Variants in PTPRM observed in about 807,000 individuals in gnomAD.
The protein encoded by PTPRM is protein tyrosine phosphatase receptor type M, also known as receptor-type tyrosine-protein phosphatase mu.
PTPRM carries 47 observed loss-of-function variants against 186.7 expected under a neutral mutation model. That is an observed-to-expected ratio of 0.25 (90% CI 0.20 to 0.32). PTPRM has a LOEUF of 0.32. Ranked by LOEUF, PTPRM falls within the 10% of genes least tolerant of loss-of-function variation. The probability of loss-of-function intolerance (pLI) is 1.00; values close to 1 mark genes in which losing one functional copy is unlikely to be tolerated. For missense variants in PTPRM, 1,494 were observed against 1,865.0 expected, an observed-to-expected ratio of 0.80 and a Z score of 3.66; for synonymous variants, 668 against 674.9, an observed-to-expected ratio of 0.99 and a Z score of 0.16.
chr18:7,914,075 T>C (rs1442861613), intron 4 of PTPRM, among the ~76,000 whole-genome samples: 3 of 152,156 alleles, frequency 2.0e-5, no homozygotes, highest in Non-Finnish European at 4.4e-5. Flanking sequence ...TTAATGAAGA[T>C]TTATTAAATA....
intron 13 of PTPRM, among the ~76,000 whole-genome samples, chr18:8,139,770 A>T (rs137982075): frequency 6.7e-6 from 1 of 150,284 alleles, no homozygotes; most frequent in East Asian, 1.9e-4. Flanking sequence ...CCCCATCCTA[A>T]TAGCTGCCTT....
chr18:8,277,506 G>GT (rs747811756), intron 19 of PTPRM, among the ~76,000 whole-genome samples: 3 of 152,206 alleles, frequency 2.0e-5, no homozygotes, highest in South Asian at 4.1e-4. Context: ...TTGTAATACT[G>GT]TTTTGCAATA....
chr18:8,088,649 T>C, intron 10 of PTPRM, 100 bp from the exon 11 acceptor site: 1 of 930,418 alleles, frequency 1.1e-6, no homozygotes, highest in Non-Finnish European at 1.7e-6. Flanking sequence ...GTAAAGTAAA[T>C]GCACTGTGTT....
chr18:8,050,486 T>C (rs1226892085), intron 7 of PTPRM, among the ~76,000 whole-genome samples: 1 of 151,798 alleles, frequency 6.6e-6, no homozygotes, highest in African/African-American at 2.4e-5. Context: ...TGGTATTAGT[T>C]TCCTGAAAAA....
At chr18:7,676,821 CAG>C (rs924744089) in intron 1 of PTPRM, among the ~76,000 whole-genome samples, 2 of 152,152 alleles carry the variant, frequency 1.3e-5, no homozygotes, top group Admixed American at 6.5e-5. Flanking sequence ...AACAATATAA[CAG>C]ATGTTTTTTA....
intron 1 of PTPRM, among the ~76,000 whole-genome samples, chr18:7,604,535 A>G (rs1185733903): frequency 1.3e-5 from 2 of 152,248 alleles, no homozygotes; most frequent in Admixed American, 6.5e-5. Flanking sequence ...GAGGGGCTGC[A>G]TGGGGAAATT....
chr18:7,848,276 G>C (rs1218432589), intron 2 of PTPRM, among the ~76,000 whole-genome samples: 1 of 152,110 alleles, frequency 6.6e-6, no homozygotes, highest in African/African-American at 2.4e-5. Flanking sequence ...GTTGAGATTG[G>C]CCAGGCAGCT....
chr18:8,317,921 A>G (rs919676367), intron 21 of PTPRM, among the ~76,000 whole-genome samples: 10 of 152,224 alleles, frequency 6.6e-5, no homozygotes, highest in African/African-American at 2.4e-4. Context: ...CTTAGCAGCC[A>G]GTGAGAAATG....
At chr18:7,797,981 A>G (rs1208316655) in intron 2 of PTPRM, among the ~76,000 whole-genome samples, 2 of 152,176 alleles carry the variant, frequency 1.3e-5, no homozygotes, top group Non-Finnish European at 2.9e-5. Flanking sequence ...TCATTGAAGC[A>G]GGGGAGGACT....
chr18:8,008,498 G>C (rs924461081), intron 7 of PTPRM, among the ~76,000 whole-genome samples: 2 of 152,064 alleles, frequency 1.3e-5, no homozygotes, highest in Admixed American at 6.5e-5. Flanking sequence ...AGAAAAAAGC[G>C]TTCCCCATCC....
chr18:7,817,327 G>A (rs1178901749), intron 2 of PTPRM, among the ~76,000 whole-genome samples: 5 of 152,034 alleles, frequency 3.3e-5, no homozygotes, highest in African/African-American at 1.2e-4. Flanking sequence ...TTGCTATAAC[G>A]GGTATCAGTA....
At chr18:7,874,304 G>A (rs1056417702) in intron 2 of PTPRM, among the ~76,000 whole-genome samples, 1 of 152,022 alleles carries the variant, frequency 6.6e-6, no homozygotes, top group Non-Finnish European at 1.5e-5. Flanking sequence ...TGCAATTTTT[G>A]TTAATGTTTT....
chr18:8,400,961 G>A (rs1464132811), intron 32 of PTPRM, among the ~76,000 whole-genome samples: 1 of 152,118 alleles, frequency 6.6e-6, no homozygotes. Context: ...CACACTCCAG[G>A]CACCTTGAAT....
rs558416792 is a variant in PTPRM, at chr18:7,835,693, G to T, written c.197-52413G>T. Reference sequence around the variant, plus strand: ...TGATATCTCCAGCTATTCTTGTATTGGGGTCTCTATCTCTCTTTAGCGCTA... The same window carrying T: ...TGATATCTCCAGCTATTCTTGTATTTGGGTCTCTATCTCTCTTTAGCGCTA... On this transcript the variant is annotated intron_variant, in intron 2 of 32. Transcript: ENST00000580170. Among the ~76,000 whole-genome samples the T allele has an allele frequency of 2.2e-3, 336 of 151,938 alleles. 1 individual carries two copies. Among genetic ancestry groups the T allele is most frequent in the Non-Finnish European group, 3.9e-3 (266 of 67,946 alleles).
chr18:8,117,996 T>C (rs2145768592), intron 13 of PTPRM, among the ~76,000 whole-genome samples: 1 of 152,280 alleles, frequency 6.6e-6, no homozygotes, highest in East Asian at 1.9e-4. Context: ...ATATTCACCA[T>C]GGTGGTCTCA....
At chr18:7,898,746 CAAA>C (rs2049503366) in intron 3 of PTPRM, among the ~76,000 whole-genome samples, 2 of 152,144 alleles carry the variant, frequency 1.3e-5, no homozygotes, top group Admixed American at 1.3e-4. Context: ...CCCAGGGCTG[CAAA>C]TATCTGGGCG....
chr18:8,182,058 T>G (rs1371601188), intron 14 of PTPRM, among the ~76,000 whole-genome samples: 2 of 152,214 alleles, frequency 1.3e-5, no homozygotes, highest in Non-Finnish European at 1.5e-5. Flanking sequence ...TTTTTTCCTA[T>G]GCCATTATTG....
At chr18:8,262,895 A>G (rs919267885) in intron 19 of PTPRM, among the ~76,000 whole-genome samples, 3 of 152,118 alleles carry the variant, frequency 2.0e-5, no homozygotes, top group Non-Finnish European at 4.4e-5. Flanking sequence ...GTTCCTGGGG[A>G]AATGATAGAG....
At chr18:8,139,077 C>T (rs566489992) in intron 13 of PTPRM, among the ~76,000 whole-genome samples, 3 of 152,116 alleles carry the variant, frequency 2.0e-5, no homozygotes, top group Non-Finnish European at 2.9e-5. Flanking sequence ...CAGATCTCTC[C>T]CCTGTATATC....
Sources: allele counts gnomAD v4.1 joint callset (sites outside exome capture counted in the v4.1 genomes callset), GRCh38; gene constraint gnomAD v4.1.1; transcripts MANE v1.5; gene names NCBI Gene and HGNC (gene_info 2026-07-23, HGNC 2026-07-21).